The following ROBO2 variants were observed in gnomAD, a reference collection of about 807,000 sequenced individuals.
ROBO2 encodes roundabout guidance receptor 2.
A neutral mutation model predicts 160.8 loss-of-function variants in ROBO2; 53 were observed. The ratio of observed to expected loss-of-function variants is 0.33; its 90% CI spans 0.26 to 0.41. ROBO2 has a LOEUF of 0.41. ROBO2 is among the 10% of genes least tolerant of loss of function. The pLI, the probability that ROBO2 is intolerant of heterozygous loss-of-function variation, is 1.00. For synonymous variants in ROBO2, 664 were observed against 611.7 expected, an observed-to-expected ratio of 1.09 and a Z score of -1.26; for missense variants, 1,577 against 1,722.4, an observed-to-expected ratio of 0.92 and a Z score of 1.49.
At chr3:76,454,625 A>T (rs2077655799) in intron 2 of ROBO2, among the ~76,000 whole-genome samples, 1 of 152,164 alleles carries the variant, frequency 6.6e-6, no homozygotes, top group South Asian at 2.1e-4. Context: ...AAATGAGATT[A>T]CTTTTCCATC....
At chr3:77,227,340 T>TAA (rs2086617917) in intron 2 of ROBO2, among the ~76,000 whole-genome samples, 1 of 152,198 alleles carries the variant, frequency 6.6e-6, no homozygotes, top group Non-Finnish European at 1.5e-5. Flanking sequence ...TTTTGCCTTT[T>TAA]ACCTCCAATT....
At position 77,316,304 on chromosome 3, in the gene ROBO2, C is replaced by G. The variant is rs867147641; in HGVS notation, c.389-161110C>G. 2.0e-5 allele frequency among the ~76,000 whole-genome samples: 3 copies of G among 151,834 alleles called. No individual in the cohort carries two copies. The South Asian group carries it at 6.2e-4, about 32-fold the overall frequency. On this transcript the variant is annotated intron_variant, in intron 2 of 25. Transcript: ENST00000461745. ...TGACGACGATGAACTGCGGTGGGAA[C>G]AGGTCATGAAGATCTGTATAAAAAA...
At chr3:76,150,738 C>G (rs1470231268) in intron 2 of ROBO2, among the ~76,000 whole-genome samples, 1 of 152,120 alleles carries the variant, frequency 6.6e-6, no homozygotes, top group African/African-American at 2.4e-5. Flanking sequence ...TGATCTTTTT[C>G]CAACTTTTAT....
At chr3:77,122,405 T>C (rs1298971264) in intron 2 of ROBO2, among the ~76,000 whole-genome samples, 1 of 152,204 alleles carries the variant, frequency 6.6e-6, no homozygotes, top group Non-Finnish European at 1.5e-5. Context: ...TTTGTGGTCA[T>C]CCATGCCGAT....
At chr3:77,588,180 T>C (rs879776362) in intron 16 of ROBO2, among the ~76,000 whole-genome samples, 2 of 152,084 alleles carry the variant, frequency 1.3e-5, no homozygotes, top group Non-Finnish European at 2.9e-5. Context: ...CGCTGATCTC[T>C]GTGAAGGCTG....
At chr3:77,149,175 C>T (rs921506604) in intron 2 of ROBO2, among the ~76,000 whole-genome samples, 3 of 151,544 alleles carry the variant, frequency 2.0e-5, no homozygotes, top group Non-Finnish European at 2.9e-5. Flanking sequence ...GCTGGGACAA[C>T]AGGTGCACGC....
chr3:75,968,513 A>G (rs751956620), intron 2 of ROBO2, among the ~76,000 whole-genome samples: 6 of 151,630 alleles, frequency 4.0e-5, no homozygotes, highest in Non-Finnish European at 7.4e-5. Flanking sequence ...GCATACACAT[A>G]TGCCATGAAA....
intron 2 of ROBO2, among the ~76,000 whole-genome samples, chr3:76,948,888 A>G (rs1381855138): frequency 8.0e-5 from 2 of 24,854 alleles, no homozygotes; most frequent in African/African-American, 2.5e-4. Flanking sequence ...ATATATATAT[A>G]TATATATATA....
chr3:76,949,831 C>A (rs2078853992), intron 2 of ROBO2, among the ~76,000 whole-genome samples: 1 of 152,118 alleles, frequency 6.6e-6, no homozygotes, highest in Non-Finnish European at 1.5e-5. Context: ...GAGCACAGAC[C>A]CAGGAGTTCA....
intron 2 of ROBO2, among the ~76,000 whole-genome samples, chr3:76,384,996 G>A (rs1439805275): frequency 1.3e-5 from 2 of 152,096 alleles, no homozygotes; most frequent in Admixed American, 6.6e-5. Flanking sequence ...TTGTTTTGTT[G>A]TTTTTGAGAC....
At chr3:77,016,015 C>T (rs935934945) in intron 2 of ROBO2, among the ~76,000 whole-genome samples, 4 of 151,682 alleles carry the variant, frequency 2.6e-5, no homozygotes, top group African/African-American at 7.3e-5. Context: ...CTTGCTCTGT[C>T]GCCCAGGCTG....
At chr3:76,774,457 T>C (rs1190515568) in intron 2 of ROBO2, among the ~76,000 whole-genome samples, 1 of 150,990 alleles carries the variant, frequency 6.6e-6, no homozygotes, top group Non-Finnish European at 1.5e-5. Context: ...TTAGTCTAAT[T>C]CATCGTATAT....
intron 2 of ROBO2, among the ~76,000 whole-genome samples, chr3:77,410,400 G>C (rs1183003403): frequency 6.6e-6 from 1 of 151,774 alleles, no homozygotes; most frequent in Non-Finnish European, 1.5e-5. Flanking sequence ...TCTAGTATGG[G>C]CTGACTCACA....
chr3:76,752,498 T>C (rs1411807581), intron 2 of ROBO2, among the ~76,000 whole-genome samples: 1 of 151,804 alleles, frequency 6.6e-6, no homozygotes. Flanking sequence ...GACAGTCCTT[T>C]GTGATACATT....
At chr3:77,456,172 G>A (rs918906252) in intron 2 of ROBO2, among the ~76,000 whole-genome samples, 2 of 152,042 alleles carry the variant, frequency 1.3e-5, no homozygotes, top group South Asian at 2.1e-4. Context: ...CTAGTAAAAA[G>A]CAATAATGTT....
At chr3:77,214,486 A>T (rs1320657560) in intron 2 of ROBO2, among the ~76,000 whole-genome samples, 1 of 152,060 alleles carries the variant, frequency 6.6e-6, no homozygotes, top group Non-Finnish European at 1.5e-5. Context: ...TGCACATGAG[A>T]TCAGTTTCCT....
Position 77,356,435 on chromosome 3 carries a change from C to T in ROBO2, c.389-120979C>T, listed in dbSNP as rs1056310403. ...ATTCAGAGAAAAACAACTGTATGCA[C>T]ATCAAATGGCCAACAGGTTAATAGC... On this transcript the variant is annotated intron_variant, in intron 2 of 25. Transcript: ENST00000461745. Among the ~76,000 whole-genome samples the T allele has an allele frequency of 7.9e-5, 12 of 152,174 alleles. No individual in the cohort carries two copies. In the East Asian group the frequency reaches 1.2e-3, roughly 15 times the overall value.
chr3:76,704,737 C>T (rs977511244), intron 2 of ROBO2, among the ~76,000 whole-genome samples: 2 of 152,056 alleles, frequency 1.3e-5, no homozygotes, highest in Non-Finnish European at 2.9e-5. Context: ...TGACCAGTTA[C>T]ACTGGGTATA....
At chr3:77,602,114 G>A (rs984805359) in intron 19 of ROBO2, 96 bp from the exon 21 acceptor site, 187 of 1,243,810 alleles carry the variant, frequency 1.5e-4, no homozygotes, top group Non-Finnish European at 2.1e-4. Flanking sequence ...AAATGCAAAC[G>A]TGCAGTGTGA....
Sources: gnomAD v4.1 joint callset for allele counts (sites outside exome capture counted in the v4.1 genomes callset) on GRCh38, gnomAD v4.1.1 for gene constraint, MANE v1.5 for transcripts, NCBI Gene and HGNC (gene_info 2026-07-23, HGNC 2026-07-21) for gene names.